The following SMOC1 variants were observed in gnomAD, a reference collection of about 807,000 sequenced individuals.
The protein encoded by SMOC1 is SPARC-related modular calcium-binding protein 1.
SMOC1 carries 22 observed loss-of-function variants against 56.3 expected under a neutral mutation model. The ratio of observed to expected loss-of-function variants is 0.39; its 90% CI spans 0.28 to 0.56. The LOEUF is 0.56. Ranked by LOEUF, SMOC1 falls within the 20% of genes least tolerant of loss-of-function variation. SMOC1 has a pLI of 0.61. For missense variants in SMOC1, 509 were observed against 565.4 expected (o/e 0.90, Z 1.01); for synonymous variants, 193 against 215.0 (o/e 0.90, Z 0.89).
At chr14:69,938,669 A>C (rs115023809) in intron 1 of SMOC1, among the ~76,000 whole-genome samples, 2,945 of 151,984 alleles carry the variant, frequency 0.019, 76 homozygotes, top group African/African-American at 0.059. Flanking sequence ...AGGGACAAGC[A>C]GTGTCCATGA....
At chr14:69,992,316 G>A (rs1884592822) in intron 5 of SMOC1, 101 bp from the exon 6 acceptor site, 1 of 1,107,766 alleles carries the variant, frequency 9.0e-7, no homozygotes, top group Non-Finnish European at 1.4e-6. Flanking sequence ...GACTTGGCCG[G>A]GCCTTGTACA....
At position 69,905,465 on chromosome 14, in the gene SMOC1, A is replaced by G. The variant is rs146872759; in HGVS notation, c.99+25688A>G. Among the ~76,000 whole-genome samples, 110 of 152,330 alleles carry G rather than the reference A, an allele frequency of 7.2e-4. 1 individual carries two copies. In the East Asian group the frequency reaches 9.6e-3, roughly 13 times the overall value. On this transcript the variant is annotated intron_variant, in intron 1 of 11. Coordinates refer to ENST00000361956, the MANE Select transcript of SMOC1 (RefSeq NM_001034852.3). ...GGCACCTACACACAAAGGAACGTCA[A>G]CTTGGTGCTGTAGGCAGTGGGCATC...
intron 1 of SMOC1, among the ~76,000 whole-genome samples, chr14:69,931,734 T>C (rs1173722570): frequency 6.6e-6 from 1 of 152,038 alleles, no homozygotes; most frequent in Non-Finnish European, 1.5e-5. Flanking sequence ...CTCCTGAAAA[T>C]CAGGGGATGT....
chr14:69,955,302 G>A (rs1047889984), intron 3 of SMOC1, among the ~76,000 whole-genome samples: 4 of 152,116 alleles, frequency 2.6e-5, no homozygotes, highest in Admixed American at 2.6e-4. Context: ...TCTGGTTAGA[G>A]TGCTGCTCCT....
At chr14:69,982,136 C>T (rs1434232032) in intron 5 of SMOC1, among the ~76,000 whole-genome samples, 1 of 152,140 alleles carries the variant, frequency 6.6e-6, no homozygotes, top group Non-Finnish European at 1.5e-5. Flanking sequence ...CAGGAATTTT[C>T]TGCGGTTTGC....
chr14:69,909,494 G>T (rs942807794), intron 1 of SMOC1, among the ~76,000 whole-genome samples: 5 of 152,202 alleles, frequency 3.3e-5, no homozygotes, highest in Non-Finnish European at 7.3e-5. Context: ...TGTCTAGGTG[G>T]TGGAAAGTTT....
chr14:69,948,698 C>T (rs535484016), intron 1 of SMOC1, among the ~76,000 whole-genome samples: 3 of 152,150 alleles, frequency 2.0e-5, no homozygotes, highest in African/African-American at 7.2e-5. Flanking sequence ...TTCTCTTAAA[C>T]CACGCCCCCC....
At chr14:69,991,302 G>A (rs975835233) in intron 5 of SMOC1, among the ~76,000 whole-genome samples, 4 of 152,086 alleles carry the variant, frequency 2.6e-5, no homozygotes, top group Non-Finnish European at 5.9e-5. Context: ...AACCTTAAGA[G>A]GGACAAAGAT....
chr14:70,020,142 T>C (rs527559321), intron 10 of SMOC1, among the ~76,000 whole-genome samples: 168 of 138,848 alleles, frequency 1.2e-3, no homozygotes, highest in African/African-American at 3.5e-3. Flanking sequence ...TGTTTTGTTT[T>C]GTTTTTGTCT....
rs35703501 is a variant in SMOC1, at chr14:69,961,272, GTATATATATATATATATATATATATATA to G, written c.378+7760_378+7787del. 5.3e-4 allele frequency among the ~76,000 whole-genome samples: 40 copies of G among 74,984 alleles called. 2 individuals carry two copies. The highest frequency in any genetic ancestry group is 3.9e-3 in the East Asian group (10 of 2,564). 49.2% of individuals were successfully genotyped at this position (74,984 alleles called of 152,430 possible). Reference sequence around the variant, plus strand: ...TTATTGTCAAGCAATATTCTATTGTGTATATATATATATATATATATATATATATATATATATATATATATATCCTGTT... The same window carrying G: ...TTATTGTCAAGCAATATTCTATTGTGTATATATATATATATATATCCTGTT... On this transcript the variant is annotated intron_variant, in intron 3 of 11. Transcript: ENST00000361956.
intron 7 of SMOC1, among the ~76,000 whole-genome samples, chr14:70,004,702 C>T (rs895198082): frequency 2.6e-5 from 4 of 152,192 alleles, no homozygotes; most frequent in African/African-American, 9.6e-5. Context: ...CTCTCTCTCT[C>T]TTTATGTATA....
chr14:69,967,373 G>A, intron 3 of SMOC1, among the ~76,000 whole-genome samples: 1 of 152,216 alleles, frequency 6.6e-6, no homozygotes, highest in East Asian at 1.9e-4. Context: ...GATTAAGCTT[G>A]CCCATCCCAT....
intron 1 of SMOC1, among the ~76,000 whole-genome samples, chr14:69,922,747 G>A (rs1186467108): frequency 7.9e-5 from 12 of 152,090 alleles, no homozygotes; most frequent in Admixed American, 7.9e-4. Flanking sequence ...AGTGTTGGGT[G>A]TGTATGGTGT....
At chr14:69,882,167 T>C (rs113804862) in intron 1 of SMOC1, among the ~76,000 whole-genome samples, 56 of 152,326 alleles carry the variant, frequency 3.7e-4, no homozygotes, top group Middle Eastern at 3.4e-3. Flanking sequence ...CTATGGCTTA[T>C]TGGGGGCCTC....
chr14:69,949,098 AG>A (rs1427992327), intron 1 of SMOC1, among the ~76,000 whole-genome samples: 1 of 152,204 alleles, frequency 6.6e-6, no homozygotes, highest in Non-Finnish European at 1.5e-5. Context: ...CCCTCCAGGG[AG>A]GTCAGGCCCA....
chr14:69,885,648 C>G, intron 1 of SMOC1: 1 of 1,451,022 alleles, frequency 6.9e-7, no homozygotes, highest in Non-Finnish European at 9.6e-7. Context: ...ACAACCAGCT[C>G]GATGGGATCC....
At chr14:69,964,124 T>G (rs945982129) in intron 3 of SMOC1, among the ~76,000 whole-genome samples, 55 of 152,170 alleles carry the variant, frequency 3.6e-4, no homozygotes, top group African/African-American at 1.3e-3. Flanking sequence ...TGCTTTGGAG[T>G]AAGCATGCAA....
chr14:69,991,243 C>A (rs188896884), intron 5 of SMOC1, among the ~76,000 whole-genome samples: 1 of 152,288 alleles, frequency 6.6e-6, no homozygotes, highest in East Asian at 1.9e-4. Flanking sequence ...CCTGAGACAA[C>A]AGTGCTCTCC....
chr14:69,997,738 C>T lies in SMOC1; in HGVS notation c.664+3258C>T, dbSNP rs866207374. On this transcript the variant is annotated intron_variant, in intron 7 of 11. Coordinates refer to ENST00000361956, the MANE Select transcript of SMOC1 (RefSeq NM_001034852.3). ...TGGTTTAATGAGAAGTCAGATATAC[C>T]TTAATGATAACTTATGTCTGGATAT... is the stretch of plus-strand genomic sequence containing the variant. Among the ~76,000 whole-genome samples the T allele has an allele frequency of 2.0e-5, 3 of 152,118 alleles. No homozygotes were observed. The South Asian group carries it at 6.2e-4, about 32-fold the overall frequency.
Sources: gnomAD v4.1 joint callset for allele counts (sites outside exome capture counted in the v4.1 genomes callset) on GRCh38, gnomAD v4.1.1 for gene constraint, MANE v1.5 for transcripts, NCBI Gene and HGNC (gene_info 2026-07-23, HGNC 2026-07-21) for gene names.